Variants in ZNF787 observed in about 807,000 individuals in gnomAD.
ZNF787 encodes TTF-I-interacting peptide 20.
A neutral mutation model predicts 16.9 loss-of-function variants in ZNF787; 7 were observed. That is an observed-to-expected ratio of 0.42 (90% CI 0.24 to 0.78). The LOEUF (loss-of-function observed/expected upper bound fraction) is 0.78. ZNF787 is among the 30% of genes least tolerant of loss of function. The pLI, the probability that ZNF787 is intolerant of heterozygous loss-of-function variation, is 0.30. For missense variants in ZNF787, 551 were observed against 589.3 expected (o/e 0.94, Z 0.67); for synonymous variants, 345 against 270.9 (o/e 1.27, Z -2.69).
chr19:56,088,051 G>T lies in ZNF787; in HGVS notation c.1121C>A (p.Pro374His). ...DDDEAAGGRCPECRGGEGR is the reference protein window; with the variant it reads ...DDDEAAGGRCHECRGGEGR ...CCGGCCCTCCCCACCGCGGCACTCG[G>T]GGCACCGCCCGCCCGCGGCCTCGTC... The change falls in exon 3 of 3, where the codon CCC becomes CAC. Residue 374 changes from proline to histidine, a missense_variant. This residue lies in a region of ZNF787 where 392 missense variants were observed against 312.7 expected (regional missense o/e 1.25). Transcript: ENST00000610935. This position sits in a 1 kb window ranked among gnomAD's most constrained non-coding sequence, Gnocchi z 8.6. 1 of 1,396,472 alleles carries T rather than the reference G, an allele frequency of 7.2e-7. No individual in the cohort carries two copies. Among genetic ancestry groups the T allele is most frequent in the Non-Finnish European group, 9.2e-7 (1 of 1,081,730 alleles). 86.5% of individuals were successfully genotyped at this position (1,396,472 alleles called of 1,614,324 possible).
In ZNF787 at chr19:56,088,236, G is replaced by C. The variant is rs771561100; in HGVS notation, c.936C>G (p.Gly312=). The C allele has an allele frequency of 6.8e-6, 10 of 1,477,990 alleles. No individual in the cohort carries two copies. The African/African-American group carries it at 8.9e-5, about 13-fold the overall frequency. 91.6% of individuals were successfully genotyped at this position (1,477,990 alleles called of 1,614,324 possible). A position where few individuals can be genotyped will look rare whatever the true frequency, so the allele number is the denominator to read the frequency against. The change falls in exon 3 of 3, where the codon GGC becomes GGG. Residue 312 remains glycine (G), a synonymous_variant. Transcript: ENST00000610935. This position sits in a 1 kb window ranked among gnomAD's most constrained non-coding sequence, Gnocchi z 8.6. The part of the protein sequence containing the change: ...QHGDGLGAAG[G]EEPAHICVEC... ...CCACGCAGATGTGGGCCGGCTCCTCGCCCCCCGCCGCCCCGAGCCCGTCCC... is the reference window on the plus strand; with the variant it reads ...CCACGCAGATGTGGGCCGGCTCCTCCCCCCCCGCCGCCCCGAGCCCGTCCC...
intron 2 of ZNF787, among the ~76,000 whole-genome samples, chr19:56,095,486 G>A (rs780604360): frequency 1.3e-5 from 2 of 152,112 alleles, no homozygotes; most frequent in Non-Finnish European, 2.9e-5. Context: ...TCTAGGAGGC[G>A]GCTTGGTTCA....
At chr19:56,090,320 C>A (rs1196884872) in intron 2 of ZNF787, among the ~76,000 whole-genome samples, 1 of 152,082 alleles carries the variant, frequency 6.6e-6, no homozygotes, top group Non-Finnish European at 1.5e-5. Context: ...GGAGTCGAGT[C>A]ACAGCCCACA....
rs918070138 is a variant in ZNF787, at chr19:56,087,866, C to G, written c.*157G>C. On this transcript the variant is annotated 3_prime_UTR_variant, in exon 3 of 3. Coordinates refer to ENST00000610935, the MANE Select transcript of ZNF787 (RefSeq NM_001002836.4). ...GGGCCCTAATACGCCCCAGTGCCCC[C>G]CCACGGACGGCGCAGGGACAGAGGA... 2.0e-5 allele frequency: 24 copies of G among 1,193,848 alleles called. No individual in the cohort carries two copies. Among genetic ancestry groups the G allele is most frequent in the Middle Eastern group, 3.2e-4 (1 of 3,112 alleles). The allele number at this position is 1,193,848 out of a possible 1,614,324, so 74.0% of individuals were successfully genotyped here.
chr19:56,103,291 T>C (rs1986177164), intron 1 of ZNF787, 64 bp from the exon 2 acceptor site: 2 of 1,415,354 alleles, frequency 1.4e-6, no homozygotes, highest in East Asian at 2.4e-5. Flanking sequence ...CCGAGGGCCC[T>C]GCAGGGAGGC....
chr19:56,088,647 G>A lies in ZNF787; in HGVS notation c.525C>T (p.Leu175=), dbSNP rs757658055. ...LAKHRRSHSG[L]KPFVCPRCGR... is the part of the protein sequence containing the mutation. ...CGCAGCGCGGGCACACGAAGGGCTT[G>A]AGGCCGCTGTGCGAGCGCCGGTGCT... Residue 175 remains leucine (L), a synonymous_variant, in exon 3 of 3, where the codon CTC becomes CTT. Transcript: ENST00000610935. The surrounding 1 kb of genome is among the most constrained non-coding windows in gnomAD (Gnocchi z 8.6). 3.9e-6 allele frequency: 6 copies of A among 1,550,752 alleles called. No homozygotes were observed. Among genetic ancestry groups the A allele is most frequent in the Non-Finnish European group, 5.2e-6 (6 of 1,155,952 alleles).
intron 1 of ZNF787, among the ~76,000 whole-genome samples, chr19:56,120,295 T>A (rs1036072126): frequency 6.7e-6 from 1 of 149,428 alleles, no homozygotes; most frequent in African/African-American, 2.4e-5. Flanking sequence ...AGAGCACTCA[T>A]CCACATGAAT....
At position 56,088,201 on chromosome 19, in the gene ZNF787, T is replaced by A. The variant is rs750234751; in HGVS notation, c.971A>T (p.Glu324Val). Residue 324 changes from glutamate (E) to valine (V), a missense_variant, in exon 3 of 3, where the codon GAG becomes GTG. Physicochemically the swap from Glu to Val is moderately radical, Grantham distance 121. Transcript: ENST00000610935. The surrounding 1 kb of genome is among the most constrained non-coding windows in gnomAD (Gnocchi z 8.6). ...GAGCGCGGCGCCCTGCACGAAGCCC[T>A]CCCCGCACTCCACGCAGATGTGGGC... ...EPAHICVECG[E>V]GFVQGAALRR... 1 of 1,531,838 alleles carries A rather than the reference T, an allele frequency of 6.5e-7. No homozygotes were observed. The highest frequency in any genetic ancestry group is 8.7e-7 in the Non-Finnish European group (1 of 1,145,756). The allele number at this position is 1,531,838 out of a possible 1,614,324, so 94.9% of individuals were successfully genotyped here.
In ZNF787 at chr19:56,088,990, C is replaced by CGCG. The variant is rs764628425; in HGVS notation, c.179_181dup (p.Pro60dup). ...GTTGCAGATGTAGGGGGCGGGCGGC[C>CGCG]GCGGCCGGGGAGGCGGGCCGGCTGG... On this transcript the variant is annotated inframe_insertion, in exon 3 of 3. Transcript: ENST00000610935. The surrounding 1 kb of genome is among the most constrained non-coding windows in gnomAD (Gnocchi z 8.6). 3 of 1,489,398 alleles carry CGCG rather than the reference C, an allele frequency of 2.0e-6. 1 individual carries two copies. In the South Asian group the frequency reaches 4.1e-5, roughly 20 times the overall value. 92.3% of individuals were successfully genotyped at this position (1,489,398 alleles called of 1,614,324 possible).
rs536169123 is a variant in ZNF787, at chr19:56,087,841, G to A, written c.*182C>T. On this transcript the variant is annotated 3_prime_UTR_variant, in exon 3 of 3. Transcript: ENST00000610935. ...AGAGTCTCGAGGCGGAGAAGTGAAC[G>A]GGCCCTAATACGCCCCAGTGCCCCC... is the stretch of plus-strand genomic sequence containing the variant. 44 of 982,910 alleles carry A rather than the reference G, an allele frequency of 4.5e-5. No homozygotes were observed. The African/African-American group carries it at 5.8e-4, about 13-fold the overall frequency. 60.9% of individuals were successfully genotyped at this position (982,910 alleles called of 1,614,324 possible).
chr19:56,087,908 A>C lies in ZNF787; in HGVS notation c.*115T>G, dbSNP rs1370133931. ...GACAGAGGAGGGCGGGGAGCCGGGG[A>C]TGCCGCGGGGTCCATCGCACCCCGT... On this transcript the variant is annotated 3_prime_UTR_variant, in exon 3 of 3. Transcript: ENST00000610935. 3.9e-6 allele frequency: 5 copies of C among 1,272,256 alleles called. No homozygotes were observed. Among genetic ancestry groups the C allele is most frequent in the Non-Finnish European group, 5.0e-6 (5 of 1,009,358 alleles). 78.8% of individuals were successfully genotyped at this position (1,272,256 alleles called of 1,614,324 possible). A position where few individuals can be genotyped will look rare whatever the true frequency, so the allele number is the denominator to read the frequency against.
In ZNF787 at chr19:56,087,953, T is replaced by C. The variant is rs28580474; in HGVS notation, c.*70A>G. ...CCCCGTCCGCTTCTCCCTGGGTCTC[T>C]TGGTCTTGCACGTCGTCGCTCCCGC... On this transcript the variant is annotated 3_prime_UTR_variant, in exon 3 of 3. Coordinates refer to ENST00000610935, the MANE Select transcript of ZNF787 (RefSeq NM_001002836.4). 4.4e-5 allele frequency: 57 copies of C among 1,293,134 alleles called. No homozygotes were observed. The highest frequency in any genetic ancestry group is 5.0e-5 in the Non-Finnish European group (51 of 1,022,788). The allele number at this position is 1,293,134 out of a possible 1,614,324, so 80.1% of individuals were successfully genotyped here. A position where few individuals can be genotyped will look rare whatever the true frequency, so the allele number is the denominator to read the frequency against.
Position 56,108,558 on chromosome 19 carries a change from G to A in ZNF787, c.-10-5331C>T, listed in dbSNP as rs75460918. Reference sequence around the variant, plus strand: ...AACGCCTGCTACTCTGCCACTCTCCGTGTCTCTGCTTAGCTGGCCTGTCCT... The same window carrying A: ...AACGCCTGCTACTCTGCCACTCTCCATGTCTCTGCTTAGCTGGCCTGTCCT... On this transcript the variant is annotated intron_variant, in intron 1 of 2. Coordinates refer to ENST00000610935, the MANE Select transcript of ZNF787 (RefSeq NM_001002836.4). Among the ~76,000 whole-genome samples the A allele has an allele frequency of 8.2e-3, 1,242 of 152,000 alleles. 8 individuals carry two copies. The highest frequency in any genetic ancestry group is 0.012 in the Non-Finnish European group (815 of 67,986).
At chr19:56,092,525 CTT>C (rs5828673) in intron 2 of ZNF787, among the ~76,000 whole-genome samples, 1 of 143,028 alleles carries the variant, frequency 7.0e-6, no homozygotes. Context: ...TCTGGAAATG[CTT>C]TTTTTTTTTT....
intron 2 of ZNF787, among the ~76,000 whole-genome samples, chr19:56,092,951 G>A (rs1293144848): frequency 6.7e-6 from 1 of 149,958 alleles, no homozygotes; most frequent in African/African-American, 2.5e-5. Context: ...AGGGCATGAC[G>A]CAACTGGGAT....
At position 56,088,411 on chromosome 19, in the gene ZNF787, G is replaced by GCGGCCC. The variant is rs899538982; in HGVS notation, c.755_760dup (p.Gly252_Ala253dup). On this transcript the variant is annotated inframe_insertion, in exon 3 of 3. Transcript: ENST00000610935. The surrounding 1 kb of genome is among the most constrained non-coding windows in gnomAD (Gnocchi z 8.6). ...CGCGCCCGCCATGGCTGCCGCGGCC[G>GCGGCCC]CGGCCCCCTCGCCCGGCGCGCCCAC... 2.8e-5 allele frequency: 32 copies of GCGGCCC among 1,127,014 alleles called. No individual in the cohort carries two copies. Among genetic ancestry groups the GCGGCCC allele is most frequent in the African/African-American group, 1.7e-4 (10 of 59,276 alleles). The allele number at this position is 1,127,014 out of a possible 1,614,324, so 69.8% of individuals were successfully genotyped here. A position where few individuals can be genotyped will look rare whatever the true frequency, so the allele number is the denominator to read the frequency against.
Position 56,088,755 on chromosome 19 carries a change from C to A in ZNF787, c.417G>T (p.Gln139His). ...KRFSWSSNLM[Q>H]HQRIHTGEKP... ...TCTCGCCCGTGTGGATGCGCTGGTG[C>A]TGCATGAGGTTGGAGCTCCAGCTGA... The change falls in exon 3 of 3, where the codon CAG (glutamine) becomes CAT (histidine). Residue 139 changes from glutamine (Q) to histidine (H), a missense_variant. Physicochemically the swap from Gln to His is conservative, Grantham distance 24. This residue lies in a region of ZNF787 where 39 missense variants were observed against 109.9 expected (regional missense o/e 0.35). Coordinates refer to ENST00000610935, the MANE Select transcript of ZNF787 (RefSeq NM_001002836.4). The surrounding 1 kb of genome is among the most constrained non-coding windows in gnomAD (Gnocchi z 8.6). 1 of 1,611,788 alleles carries A rather than the reference C, an allele frequency of 6.2e-7. No homozygotes were observed. Among genetic ancestry groups the A allele is most frequent in the Non-Finnish European group, 8.5e-7 (1 of 1,179,268 alleles).
Position 56,088,003 on chromosome 19 carries a change from C to CCA in ZNF787, c.*19_*20insTG. 3 of 988,978 alleles carry CCA rather than the reference C, an allele frequency of 3.0e-6. No individual in the cohort carries two copies. The East Asian group carries it at 1.6e-4, about 52-fold the overall frequency. 61.3% of individuals were successfully genotyped at this position (988,978 alleles called of 1,614,324 possible). On this transcript the variant is annotated 3_prime_UTR_variant, in exon 3 of 3. Coordinates refer to ENST00000610935, the MANE Select transcript of ZNF787 (RefSeq NM_001002836.4). The surrounding 1 kb of genome is among the most constrained non-coding windows in gnomAD (Gnocchi z 8.6). ...CCAAGCCCGAGGGGCCCTGCCCGCC[C>CCA]CCCCCCCCGGGCCCCTCCCCTACCG...
chr19:56,093,068 G>C (rs1985710380), intron 2 of ZNF787, among the ~76,000 whole-genome samples: 1 of 149,798 alleles, frequency 6.7e-6, no homozygotes, highest in Non-Finnish European at 1.5e-5. Flanking sequence ...CTACCCCATA[G>C]ACACGGGGTA....
Sources: gnomAD v4.1 joint callset for allele counts (sites outside exome capture counted in the v4.1 genomes callset) on GRCh38, gnomAD v4.1.1 for gene constraint, gnomAD v4.1.1 regional missense constraint, Gnocchi (gnomAD v3.1) non-coding constraint, MANE v1.5 for transcripts, NCBI Gene and HGNC (gene_info 2026-07-23, HGNC 2026-07-21) for gene names.